RBX1: variants seen among roughly 807,000 people sequenced by gnomAD.
RBX1 encodes the protein ring-box 1, also known as E3 ubiquitin-protein ligase RBX1.
For missense variants in RBX1, 46 were observed against 141.4 expected, an observed-to-expected ratio of 0.33 and a Z score of 3.42; for synonymous variants, 48 against 47.9, an observed-to-expected ratio of 1.00 and a Z score of -0.01.
intron 4 of RBX1, among the ~76,000 whole-genome samples, chr22:40,972,070 C>G (rs1454047152): frequency 6.6e-6 from 1 of 152,154 alleles, no homozygotes; most frequent in Non-Finnish European, 1.5e-5. Context: ...TACTGGAGTT[C>G]AGGTGAAAAT....
chr22:40,960,923 C>G (rs774440307), intron 2 of RBX1, among the ~76,000 whole-genome samples: 10 of 151,426 alleles, frequency 6.6e-5, no homozygotes, highest in Admixed American at 1.3e-4. Flanking sequence ...CCACCACACC[C>G]GGTTAATTGT....
chr22:40,951,403 C>T lies in RBX1; in HGVS notation c.5C>T (p.Ala2Val). Residue 2 changes from alanine to valine, a missense_variant, in exon 1 of 5, where the codon GCG becomes GTG. Ala to Val is a moderately conservative substitution (Grantham distance 64). Transcript: ENST00000216225. M[A>V]AAMDVDTPSG... The stretch of plus-strand genomic sequence containing the variant: ...GACAGACCGTGTGTTTCCAAAATGG[C>T]GGCAGCGATGGATGTGGATACCCCG... The T allele has an allele frequency of 1.2e-6, 2 of 1,612,370 alleles. No homozygotes were observed. Among genetic ancestry groups the T allele is most frequent in the Non-Finnish European group, 1.7e-6 (2 of 1,179,018 alleles).
chr22:40,962,147 T>C (rs184063733), intron 2 of RBX1, among the ~76,000 whole-genome samples: 1 of 152,000 alleles, frequency 6.6e-6, no homozygotes, highest in South Asian at 2.1e-4. Flanking sequence ...TTGCCCAGGC[T>C]GGAGTACAGT....
At position 40,972,615 on chromosome 22, in the gene RBX1, T is replaced by C; in HGVS notation, c.*127T>C. On this transcript the variant is annotated 3_prime_UTR_variant, in exon 5 of 5. Transcript: ENST00000216225. Reference sequence around the variant, plus strand: ...CTTTGTTTTTTCAGTTTGCTGTTTCTGTAGCCATATTGTATTCTGTGTCAA... The same window carrying C: ...CTTTGTTTTTTCAGTTTGCTGTTTCCGTAGCCATATTGTATTCTGTGTCAA... 1 of 758,976 alleles carries C rather than the reference T, an allele frequency of 1.3e-6. No individual in the cohort carries two copies. The highest frequency in any genetic ancestry group is 2.5e-5 in the East Asian group (1 of 39,668). The allele number at this position is 758,976 out of a possible 1,614,324, so 47.0% of individuals were successfully genotyped here.
chr22:40,954,126 G>T (rs1228628663), intron 2 of RBX1, among the ~76,000 whole-genome samples: 1 of 152,056 alleles, frequency 6.6e-6, no homozygotes, highest in African/African-American at 2.4e-5. Flanking sequence ...AAAATTAGCT[G>T]GGCGTACTGG....
intron 1 of RBX1, 116 bp from the exon 2 acceptor site, chr22:40,953,434 CTTTTG>C: frequency 3.0e-6 from 2 of 662,428 alleles, no homozygotes; most frequent in South Asian, 3.2e-5. Context: ...TATCCAAAAA[CTTTTG>C]TTTGGTGGTT....
chr22:40,968,352 A>C (rs928001179), intron 4 of RBX1, among the ~76,000 whole-genome samples: 1 of 152,086 alleles, frequency 6.6e-6, no homozygotes, highest in South Asian at 2.1e-4. Flanking sequence ...CGGTCTCCCA[A>C]AGTGCTGGGA....
chr22:40,954,043 G>A (rs1390931515), intron 2 of RBX1, among the ~76,000 whole-genome samples: 3 of 152,076 alleles, frequency 2.0e-5, no homozygotes, highest in South Asian at 4.1e-4. Context: ...AGGCCAAGGC[G>A]GGCAGATCAT....
chr22:40,953,999 C>T (rs925311391), intron 2 of RBX1, among the ~76,000 whole-genome samples: 1 of 152,142 alleles, frequency 6.6e-6, no homozygotes, highest in African/African-American at 2.4e-5. Context: ...AGGCCAAGCG[C>T]AGTGGCTCAT....
intron 3 of RBX1, among the ~76,000 whole-genome samples, chr22:40,965,846 G>A (rs2058353046): frequency 1.3e-5 from 2 of 152,200 alleles, no homozygotes. Flanking sequence ...TCGTTCATGG[G>A]GATAAAGGAA....
At position 40,952,154 on chromosome 22, in the gene RBX1, G is replaced by A. The variant is rs897178804; in HGVS notation, c.78+678G>A. On this transcript the variant is annotated intron_variant, in intron 1 of 4. Coordinates refer to ENST00000216225, the MANE Select transcript of RBX1 (RefSeq NM_014248.4). ...TTCCAAAATAATAATAAAAAGCATG[G>A]TGGAACTTGTTAAGAAAATCCGAGC... 5.3e-5 allele frequency among the ~76,000 whole-genome samples: 8 copies of A among 152,314 alleles called. No homozygotes were observed. The East Asian group carries it at 1.5e-3, about 29-fold the overall frequency.
chr22:40,953,780 T>C, intron 2 of RBX1, 147 bp downstream of exon 2: 1 of 587,576 alleles, frequency 1.7e-6, no homozygotes, highest in Non-Finnish European at 3.2e-6. Flanking sequence ...TTGGTGTGTT[T>C]GAAATAGAGT....
intron 1 of RBX1, among the ~76,000 whole-genome samples, chr22:40,952,261 T>A (rs1015085780): frequency 1.3e-5 from 2 of 152,194 alleles, no homozygotes; most frequent in Admixed American, 1.3e-4. Context: ...ATGGAACGTG[T>A]CTTTTTGCAT....
In RBX1 at chr22:40,972,559, T is replaced by G; in HGVS notation, c.*71T>G. ...ATGACTTTCCCTGCTGTTACCTAAT[T>G]ACAAATTGGATGGAACTGTGTTTTT... On this transcript the variant is annotated 3_prime_UTR_variant, in exon 5 of 5. Transcript: ENST00000216225. 9 of 1,255,192 alleles carry G rather than the reference T, an allele frequency of 7.2e-6. No individual in the cohort carries two copies. Among genetic ancestry groups the G allele is most frequent in the Non-Finnish European group, 1.2e-6 (1 of 859,200 alleles). The allele number at this position is 1,255,192 out of a possible 1,614,324, so 77.8% of individuals were successfully genotyped here. A position where few individuals can be genotyped will look rare whatever the true frequency, so the allele number is the denominator to read the frequency against.
chr22:40,952,334 A>G (rs1364348370), intron 1 of RBX1, among the ~76,000 whole-genome samples: 1 of 152,150 alleles, frequency 6.6e-6, no homozygotes, highest in African/African-American at 2.4e-5. Flanking sequence ...CCTAACATGA[A>G]AGCTGTTCAA....
rs1601534408 is a variant in RBX1 at position 40,955,697 on chromosome 22, T to C, written c.157+2064T>C. Among the ~76,000 whole-genome samples, 2 of 152,358 alleles carry C rather than the reference T, an allele frequency of 1.3e-5. 1 individual carries two copies. Among genetic ancestry groups the C allele is most frequent in the South Asian group, 4.1e-4 (2 of 4,832 alleles). On this transcript the variant is annotated intron_variant, in intron 2 of 4. Transcript: ENST00000216225. ...ACCCATAGTTGAGCTTTAGATCTTA[T>C]CTTAAACTTGCTCAGATGTTTTCAA...
chr22:40,955,047 A>C (rs1042675347), intron 2 of RBX1, among the ~76,000 whole-genome samples: 86 of 152,050 alleles, frequency 5.7e-4, no homozygotes, highest in African/African-American at 2.0e-3. Context: ...TCTGCCTCCC[A>C]AAGTGTTGGG....
At chr22:40,964,282 T>C in intron 3 of RBX1, 165 bp downstream of exon 3, 1 of 535,868 alleles carries the variant, frequency 1.9e-6, no homozygotes, top group South Asian at 2.5e-5. Context: ...TATTCACCTG[T>C]TACAGGGTAA....
intron 2 of RBX1, among the ~76,000 whole-genome samples, chr22:40,957,624 T>A (rs1876371060): frequency 6.6e-6 from 1 of 151,622 alleles, no homozygotes; most frequent in South Asian, 2.1e-4. Flanking sequence ...GGTGAGAGAG[T>A]GAGACCCTAT....
Sources: gnomAD v4.1 joint callset for allele counts (sites outside exome capture counted in the v4.1 genomes callset) on GRCh38, gnomAD v4.1.1 for gene constraint, MANE v1.5 for transcripts, NCBI Gene and HGNC (gene_info 2026-07-23, HGNC 2026-07-21) for gene names.